Variants in VPS13D observed in about 807,000 individuals in gnomAD.
VPS13D encodes vacuolar protein sorting 13 homolog D, also known as intermembrane lipid transfer protein VPS13D.
VPS13D carries 187 observed loss-of-function variants against 461.9 expected under a neutral mutation model. The ratio of observed to expected loss-of-function variants is 0.40; its 90% confidence interval spans 0.36 to 0.46. The LOEUF is 0.46. VPS13D is among the 20% of genes least tolerant of loss of function. The pLI is 0.60. For synonymous variants in VPS13D, 1,951 were observed against 1,986.3 expected, an observed-to-expected ratio of 0.98 and a Z score of 0.47; for missense variants, 4,711 against 5,364.9, an observed-to-expected ratio of 0.88 and a Z score of 3.81.
In VPS13D at chr1:12,267,828, G is replaced by C; in HGVS notation, c.1726-17G>C. 6.2e-7 allele frequency: 1 copy of C among 1,613,314 alleles called. No individual in the cohort carries two copies. Among genetic ancestry groups the C allele is most frequent in the Non-Finnish European group, 8.5e-7 (1 of 1,179,438 alleles). On this transcript the variant is annotated splice_polypyrimidine_tract_variant and intron_variant, in intron 14 of 69. Coordinates refer to ENST00000620676, the MANE Select transcript of VPS13D (RefSeq NM_015378.4). ...CTCACGCTGACGTTTACGCATTTTTGTGTGTTTGTTTAATAGCAAAAAGAA... is the reference window on the plus strand; with the variant it reads ...CTCACGCTGACGTTTACGCATTTTTCTGTGTTTGTTTAATAGCAAAAAGAA...
At chr1:12,397,220 C>T (rs1005847892) in intron 60 of VPS13D, among the ~76,000 whole-genome samples, 4 of 152,342 alleles carry the variant, frequency 2.6e-5, no homozygotes, top group African/African-American at 9.6e-5. Context: ...AGGCGTGAGC[C>T]ACCACGCCTG....
chr1:12,302,392 T>A (rs1642447654), intron 25 of VPS13D, among the ~76,000 whole-genome samples: 1 of 152,216 alleles, frequency 6.6e-6, no homozygotes, highest in Non-Finnish European at 1.5e-5. Context: ...CAGAGTTTCC[T>A]TATCAGATAT....
intron 49 of VPS13D, among the ~76,000 whole-genome samples, chr1:12,357,665 C>T (rs893480437): frequency 6.6e-6 from 1 of 152,108 alleles, no homozygotes; most frequent in African/African-American, 2.4e-5. Flanking sequence ...ATTATGTTGT[C>T]GAAATCCATG....
At chr1:12,341,476 G>A (rs963509891) in intron 40 of VPS13D, among the ~76,000 whole-genome samples, 15 of 152,132 alleles carry the variant, frequency 9.9e-5, no homozygotes, top group Non-Finnish European at 1.8e-4. Flanking sequence ...GGCAGCACTG[G>A]GGAGGTCCAT....
intron 65 of VPS13D, among the ~76,000 whole-genome samples, chr1:12,435,967 C>T (rs770112369): frequency 6.6e-6 from 1 of 152,178 alleles, no homozygotes; most frequent in Non-Finnish European, 1.5e-5. Context: ...TCTAACTCTA[C>T]ACATCGAGCT....
In VPS13D at chr1:12,505,475, C is replaced by T. The variant is rs1477938419; in HGVS notation, c.12795-1378C>T. Among the ~76,000 whole-genome samples, 1 of 152,164 alleles carries T rather than the reference C, an allele frequency of 6.6e-6. No individual in the cohort carries two copies. The highest frequency in any genetic ancestry group is 1.5e-5 in the Non-Finnish European group (1 of 68,020). ...CCAGTTAGAATAGAACAATAAATCC[C>T]AGTTTTTGTCATGGGCGTCTGTAAT... On this transcript the variant is annotated intron_variant, in intron 68 of 69. Transcript: ENST00000620676. This position sits in a 1 kb window ranked among gnomAD's most constrained non-coding sequence, Gnocchi z 4.2.
At chr1:12,246,744 G>C (rs1640563252) in intron 5 of VPS13D, among the ~76,000 whole-genome samples, 1 of 152,218 alleles carries the variant, frequency 6.6e-6, no homozygotes, top group Non-Finnish European at 1.5e-5. Context: ...GTAGAGGACT[G>C]TGTTGTCCCC....
At chr1:12,425,338 A>G (rs896495769) in intron 65 of VPS13D, among the ~76,000 whole-genome samples, 8 of 152,096 alleles carry the variant, frequency 5.3e-5, no homozygotes, top group African/African-American at 1.9e-4. Flanking sequence ...CAGGTGGGTC[A>G]CCTGAGGTCA....
chr1:12,510,951 T>G lies in VPS13D; in HGVS notation c.*1927T>G, dbSNP rs564640352. The G allele has an allele frequency of 6.6e-6, 1 of 152,196 alleles. No homozygotes were observed. The highest frequency in any genetic ancestry group is 1.5e-5 in the Non-Finnish European group (1 of 68,038). The allele number at this position is 152,196 out of a possible 1,614,324, so 9.4% of individuals were successfully genotyped here. A position where few individuals can be genotyped will look rare whatever the true frequency, so the allele number is the denominator to read the frequency against. ...AGATGAGACTCTCGGAAGGGTTGATTGTATGCGTCAGTGAGCCTTCTATCA... is the reference window on the plus strand; with the variant it reads ...AGATGAGACTCTCGGAAGGGTTGATGGTATGCGTCAGTGAGCCTTCTATCA... On this transcript the variant is annotated 3_prime_UTR_variant, in exon 70 of 70. Transcript: ENST00000620676.
intron 54 of VPS13D, among the ~76,000 whole-genome samples, chr1:12,373,101 T>G (rs1283734491): frequency 7.3e-6 from 1 of 137,736 alleles, no homozygotes; most frequent in Non-Finnish European, 1.5e-5. Flanking sequence ...CTTGGTTTTT[T>G]TTTTTTTTTT....
At chr1:12,259,818 T>G (rs1248594435) in intron 10 of VPS13D, among the ~76,000 whole-genome samples, 1 of 152,106 alleles carries the variant, frequency 6.6e-6, no homozygotes, top group Non-Finnish European at 1.5e-5. Flanking sequence ...ATGACCACGT[T>G]CTTGCTAATC....
intron 21 of VPS13D, among the ~76,000 whole-genome samples, chr1:12,285,929 C>CTTCCT (rs57335089): frequency 0.01 from 1,079 of 104,254 alleles, 51 homozygotes; most frequent in African/African-American, 0.018. Context: ...GAATTTCTTT[C>CTTCCT]TTCCTTTCCT....
At position 12,277,779 on chromosome 1, in the gene VPS13D, G is replaced by C; in HGVS notation, c.4191G>C (p.Leu1397Phe). ...CTCGGAAGCCGGGGAGTCCTGAGTT[G>C]TTGGTGGGACACTTGGGACAGATAT... The part of the protein sequence containing the change: ...SIPRKPGSPE[L>F]LVGHLGQIFI... Residue 1397 changes from leucine to phenylalanine, a missense_variant, in exon 19 of 70, where the codon TTG becomes TTC. This residue lies in a region of VPS13D where 4,411 missense variants were observed against 4,937.8 expected (regional missense o/e 0.89). Coordinates refer to ENST00000620676, the MANE Select transcript of VPS13D (RefSeq NM_015378.4). The C allele has an allele frequency of 1.2e-6, 2 of 1,614,224 alleles. No individual in the cohort carries two copies. The highest frequency in any genetic ancestry group is 1.7e-6 in the Non-Finnish European group (2 of 1,180,040).
At chr1:12,486,090 A>G (rs544286959) in intron 67 of VPS13D, among the ~76,000 whole-genome samples, 1 of 152,332 alleles carries the variant, frequency 6.6e-6, no homozygotes, top group African/African-American at 2.4e-5. Context: ...CCTTTGCCCA[A>G]AAATCCAAGA....
At chr1:12,384,847 C>G (rs1292421818) in intron 58 of VPS13D, among the ~76,000 whole-genome samples, 1 of 152,154 alleles carries the variant, frequency 6.6e-6, no homozygotes, top group African/African-American at 2.4e-5. Context: ...TCTTGAACTT[C>G]TGGGATCAAG....
At chr1:12,415,243 A>G in intron 64 of VPS13D, 22 bp downstream of exon 64, 3 of 1,613,852 alleles carry the variant, frequency 1.9e-6, no homozygotes, top group Non-Finnish European at 2.5e-6. Flanking sequence ...AGAAGTAATC[A>G]TTGGCTGGAG....
intron 65 of VPS13D, among the ~76,000 whole-genome samples, chr1:12,454,102 C>T (rs1444546622): frequency 6.6e-6 from 1 of 152,172 alleles, no homozygotes; most frequent in Non-Finnish European, 1.5e-5. Context: ...GATACCAGGC[C>T]CCCGAGCCAT....
At chr1:12,429,493 A>G (rs1246433818) in intron 65 of VPS13D, among the ~76,000 whole-genome samples, 1 of 152,148 alleles carries the variant, frequency 6.6e-6, no homozygotes, top group Non-Finnish European at 1.5e-5. Flanking sequence ...GGGTTTCGCC[A>G]TGTTGGCCAG....
In VPS13D at chr1:12,502,641, GAA is replaced by G. The variant is rs113179323; in HGVS notation, c.12795-4199_12795-4198del. Among the ~76,000 whole-genome samples the G allele has an allele frequency of 3.7e-5, 5 of 133,882 alleles. No homozygotes were observed. Among genetic ancestry groups the G allele is most frequent in the South Asian group, 2.4e-4 (1 of 4,234 alleles). 87.8% of individuals were successfully genotyped at this position (133,882 alleles called of 152,430 possible). A position where few individuals can be genotyped will look rare whatever the true frequency, so the allele number is the denominator to read the frequency against. On this transcript the variant is annotated intron_variant, in intron 68 of 69. Coordinates refer to ENST00000620676, the MANE Select transcript of VPS13D (RefSeq NM_015378.4). The surrounding 1 kb of genome is among the most constrained non-coding windows in gnomAD (Gnocchi z 4.3). ...TCAGGTATATAAATGAGTTAATATC[GAA>G]AAAAAAAAAAAAGAGCAGGAGGAAA...
Sources: gnomAD v4.1 joint callset for allele counts (sites outside exome capture counted in the v4.1 genomes callset) on GRCh38, gnomAD v4.1.1 for gene constraint, gnomAD v4.1.1 regional missense constraint, Gnocchi (gnomAD v3.1) non-coding constraint, MANE v1.5 for transcripts, NCBI Gene and HGNC (gene_info 2026-07-23, HGNC 2026-07-21) for gene names.